FOXO3: variants seen among roughly 807,000 people sequenced by gnomAD.
The protein encoded by FOXO3 is forkhead box O3.
A neutral mutation model predicts 41.9 loss-of-function variants in FOXO3; 4 were observed. The observed-to-expected ratio is 0.10, with a 90% CI of 0.05 to 0.22. The LOEUF is 0.22. FOXO3 is among the 10% of genes least tolerant of loss of function. The probability of loss-of-function intolerance (pLI) is 1.00; values close to 1 mark genes in which losing one functional copy is unlikely to be tolerated. For missense variants in FOXO3, 534 were observed against 906.8 expected (o/e 0.59, Z 5.28); for synonymous variants, 318 against 389.3 (o/e 0.82, Z 2.16).
At chr6:108,577,628 G>A (rs1317993237) in intron 1 of FOXO3, among the ~76,000 whole-genome samples, 1 of 152,098 alleles carries the variant, frequency 6.6e-6, no homozygotes, top group African/African-American at 2.4e-5. Flanking sequence ...ATGGGGCCTG[G>A]GCATCTATGT....
Position 108,663,950 on chromosome 6 carries a change from G to A in FOXO3, c.1117G>A (p.Ala373Thr), listed in dbSNP as rs1778963546. ...GGAACTGCCACGGCTGACTGATATG[G>A]CAGGCACCATGAATCTGAATGATGG... is the stretch of plus-strand genomic sequence containing the variant. ...TVELPRLTDM[A>T]GTMNLNDGLT... Residue 373 changes from alanine (A) to threonine (T), a missense_variant, in exon 2 of 3, where the codon GCA becomes ACA. Transcript: ENST00000406360. The A allele has an allele frequency of 6.2e-7, 1 of 1,614,080 alleles. No individual in the cohort carries two copies. Among genetic ancestry groups the A allele is most frequent in the Non-Finnish European group, 8.5e-7 (1 of 1,180,042 alleles).
intron 1 of FOXO3, among the ~76,000 whole-genome samples, chr6:108,589,502 T>C (rs1234781921): frequency 6.6e-6 from 1 of 152,214 alleles, no homozygotes; most frequent in Admixed American, 6.5e-5. Context: ...TCTTGGAAAG[T>C]TCTTCGTTTA....
intron 1 of FOXO3, among the ~76,000 whole-genome samples, chr6:108,641,341 A>G (rs1778251918): frequency 2.6e-5 from 4 of 152,202 alleles, no homozygotes; most frequent in Non-Finnish European, 2.9e-5. Flanking sequence ...CATTCTTACT[A>G]GTGCTTTTGA....
intron 1 of FOXO3, among the ~76,000 whole-genome samples, chr6:108,652,001 A>G (rs968877057): frequency 1.3e-5 from 2 of 152,224 alleles, no homozygotes; most frequent in African/African-American, 4.8e-5. Context: ...AAGCCTCATA[A>G]TAGCAAGGGC....
intron 1 of FOXO3, among the ~76,000 whole-genome samples, chr6:108,654,191 G>A (rs1278022676): frequency 1.3e-5 from 2 of 152,122 alleles, no homozygotes; most frequent in Non-Finnish European, 2.9e-5. Flanking sequence ...GACTGCCAGG[G>A]TTCTCTGTGT....
At chr6:108,624,404 T>C (rs1777755562) in intron 1 of FOXO3, among the ~76,000 whole-genome samples, 1 of 152,186 alleles carries the variant, frequency 6.6e-6, no homozygotes, top group Non-Finnish European at 1.5e-5. Flanking sequence ...GTTTTATAAT[T>C]ATATTTTAAT....
intron 1 of FOXO3, among the ~76,000 whole-genome samples, chr6:108,580,979 A>G (rs542859919): frequency 6.0e-4 from 92 of 152,350 alleles, no homozygotes; most frequent in African/African-American, 2.1e-3. Context: ...CATCTTTCAC[A>G]GATTCAGAAA....
intron 1 of FOXO3, among the ~76,000 whole-genome samples, chr6:108,611,572 G>C (rs1777365585): frequency 6.6e-6 from 1 of 152,098 alleles, no homozygotes; most frequent in Non-Finnish European, 1.5e-5. Flanking sequence ...TAATGTAGTG[G>C]TAGATACCTC....
intron 1 of FOXO3, among the ~76,000 whole-genome samples, chr6:108,618,981 C>G (rs1194487158): frequency 1.3e-5 from 2 of 152,174 alleles, no homozygotes; most frequent in Non-Finnish European, 2.9e-5. Context: ...GCAGTAAGTT[C>G]AGGCAAATAA....
chr6:108,638,272 C>T (rs561163920), intron 1 of FOXO3, among the ~76,000 whole-genome samples: 1 of 152,192 alleles, frequency 6.6e-6, no homozygotes, highest in Non-Finnish European at 1.5e-5. Flanking sequence ...GACCTTGTGT[C>T]CCCCTTTAAC....
At chr6:108,576,227 G>T (rs995667932) in intron 1 of FOXO3, among the ~76,000 whole-genome samples, 4 of 152,118 alleles carry the variant, frequency 2.6e-5, no homozygotes, top group African/African-American at 9.7e-5. Context: ...GTCCTATTTA[G>T]TCTCCTCCCC....
chr6:108,577,420 A>T (rs1236049483), intron 1 of FOXO3, among the ~76,000 whole-genome samples: 1 of 152,122 alleles, frequency 6.6e-6, no homozygotes, highest in Non-Finnish European at 1.5e-5. Flanking sequence ...CTGCTGTTCC[A>T]TTTTTGTCTT....
chr6:108,582,827 G>A (rs986430938), intron 1 of FOXO3, among the ~76,000 whole-genome samples: 5 of 152,224 alleles, frequency 3.3e-5, no homozygotes, highest in Non-Finnish European at 7.4e-5. Flanking sequence ...TGCCTTCCAT[G>A]TGACTCTCGG....
chr6:108,608,078 A>G (rs1486549912), intron 1 of FOXO3, among the ~76,000 whole-genome samples: 2 of 152,166 alleles, frequency 1.3e-5, no homozygotes, highest in African/African-American at 4.8e-5. Context: ...GGTAGAGTTG[A>G]AAGACAGGTG....
intron 1 of FOXO3, among the ~76,000 whole-genome samples, chr6:108,577,277 G>A (rs1311813456): frequency 6.6e-6 from 1 of 152,084 alleles, no homozygotes. Flanking sequence ...TTTGGCACAC[G>A]AGGGTACTTC....
chr6:108,658,397 A>G (rs1216573733), intron 1 of FOXO3, among the ~76,000 whole-genome samples: 2 of 152,204 alleles, frequency 1.3e-5, no homozygotes, highest in African/African-American at 4.8e-5. Flanking sequence ...TTCTGTAGGT[A>G]ATAGGCTCCA....
intron 1 of FOXO3, among the ~76,000 whole-genome samples, chr6:108,636,422 A>T (rs1176601541): frequency 6.6e-6 from 1 of 152,192 alleles, no homozygotes; most frequent in African/African-American, 2.4e-5. Context: ...TAAACCCAGC[A>T]TCCTTACAGG....
intron 1 of FOXO3, among the ~76,000 whole-genome samples, chr6:108,625,933 A>G (rs915975524): frequency 1.3e-5 from 2 of 152,216 alleles, no homozygotes; most frequent in Non-Finnish European, 2.9e-5. Context: ...AAGCCAGAGC[A>G]CTTTGACTTA....
chr6:108,609,529 A>G (rs1406815370), intron 1 of FOXO3, among the ~76,000 whole-genome samples: 1 of 152,218 alleles, frequency 6.6e-6, no homozygotes, highest in Non-Finnish European at 1.5e-5. Flanking sequence ...TTAGCTTTCC[A>G]GGTGGTGATG....
Sources: allele counts gnomAD v4.1 joint callset (sites outside exome capture counted in the v4.1 genomes callset), GRCh38; gene constraint gnomAD v4.1.1; transcripts MANE v1.5; gene names NCBI Gene and HGNC (gene_info 2026-07-23, HGNC 2026-07-21).